Variants in SLC5A4 observed in about 807,000 individuals in gnomAD.
The protein encoded by SLC5A4 is probable glucose sensor protein SLC5A4.
In SLC5A4, 55 loss-of-function variants were observed where a neutral mutation model predicts 70.3. The observed-to-expected ratio is 0.78, with a 90% CI of 0.63 to 0.98. The LOEUF is 0.98. Ranked by LOEUF, SLC5A4 falls within the 50% of genes least tolerant of loss-of-function variation. The pLI is 0.00. For synonymous variants in SLC5A4, 268 were observed against 305.7 expected (o/e 0.88, Z 1.29); for missense variants, 735 against 839.2 (o/e 0.88, Z 1.53).
At chr22:32,251,714 A>G in intron 3 of SLC5A4, 56 bp downstream of exon 3, 4 of 1,022,184 alleles carry the variant, frequency 3.9e-6, no homozygotes, top group Non-Finnish European at 6.2e-6. Context: ...CATAAAACAT[A>G]CTAAGACACT....
At position 32,234,938 on chromosome 22, in the gene SLC5A4, T is replaced by C; in HGVS notation, c.820A>G (p.Ile274Val). The change falls in exon 8 of 15, where the codon ATT (isoleucine) becomes GTT (valine). Residue 274 changes from isoleucine to valine, a missense_variant. By Grantham distance (29) the Ile-to-Val change is conservative. Transcript: ENST00000266086. ...HIFRDAVTGDIPWPGIIFGMP... is the reference protein window; with the variant it reads ...HIFRDAVTGDVPWPGIIFGMP... ...CCAAATATAATTCCTGGCCATGGAA[T>C]GTCCCCAGTCACAGCATCTCGGAAG... The C allele has an allele frequency of 1.2e-6, 2 of 1,613,210 alleles. No individual in the cohort carries two copies. The highest frequency in any genetic ancestry group is 1.7e-6 in the Non-Finnish European group (2 of 1,180,024).
intron 5 of SLC5A4, among the ~76,000 whole-genome samples, chr22:32,245,320 C>G (rs555034686): frequency 5.4e-4 from 83 of 152,298 alleles, no homozygotes; most frequent in African/African-American, 1.9e-3. Flanking sequence ...GTCTTTCCAG[C>G]CAGCCACAGA....
the SLC5A4 span, among the ~76,000 whole-genome samples, chr22:32,317,198 A>C: frequency 6.6e-6 from 1 of 152,194 alleles, no homozygotes; most frequent in Non-Finnish European, 1.5e-5. Context: ...CAAAAAATAA[A>C]AACTGCAGAA....
chr22:32,235,993 G>A (rs1361374800), intron 7 of SLC5A4, among the ~76,000 whole-genome samples: 2 of 152,078 alleles, frequency 1.3e-5, no homozygotes, highest in Non-Finnish European at 2.9e-5. Context: ...ATACATAGGA[G>A]ACCCTAAGAG....
chr22:32,238,959 G>A, intron 6 of SLC5A4, 26 bp downstream of exon 6: 1 of 1,546,214 alleles, frequency 6.5e-7, no homozygotes, highest in Admixed American at 1.7e-5. Flanking sequence ...GATAGCCTGA[G>A]TGAGCAAAAT....
the SLC5A4 span, among the ~76,000 whole-genome samples, chr22:32,267,343 G>T: frequency 6.6e-6 from 1 of 152,224 alleles, no homozygotes; most frequent in Admixed American, 6.5e-5. Flanking sequence ...CTTGTAAGTG[G>T]AGCTCACTCC....
chr22:32,309,286 G>T, the SLC5A4 span, among the ~76,000 whole-genome samples: 1 of 152,208 alleles, frequency 6.6e-6, no homozygotes, highest in Non-Finnish European at 1.5e-5. Context: ...ACAGTTCCCA[G>T]TGAGAAACAG....
chr22:32,226,663 C>T (rs1385004198), intron 11 of SLC5A4, among the ~76,000 whole-genome samples: 1 of 152,180 alleles, frequency 6.6e-6, no homozygotes, highest in African/African-American at 2.4e-5. Context: ...CAATAAATTA[C>T]ACTTACTGTT....
At chr22:32,308,212 G>A in the SLC5A4 span, among the ~76,000 whole-genome samples, 1 of 150,662 alleles carries the variant, frequency 6.6e-6, no homozygotes, top group African/African-American at 2.4e-5. Context: ...ATTCACTTCT[G>A]AAGGCTCTTC....
chr22:32,279,047 C>A, the SLC5A4 span, among the ~76,000 whole-genome samples: 23 of 151,510 alleles, frequency 1.5e-4, no homozygotes, highest in African/African-American at 4.6e-4. Flanking sequence ...GAGGCCGAGG[C>A]GAACGGATCA....
rs755002926 is a variant in SLC5A4 at position 32,255,259 on chromosome 22, C to T, written c.71G>A (p.Arg24Gln). The T allele has an allele frequency of 2.1e-5, 34 of 1,614,086 alleles. No individual in the cohort carries two copies. The Admixed American group carries it at 3.5e-4, about 17-fold the overall frequency. The change falls in exon 1 of 15, where the codon CGA becomes CAA. Residue 24 changes from arginine to glutamine, a missense_variant. By Grantham distance (43) the Arg-to-Gln change is conservative. Coordinates refer to ENST00000266086, the MANE Select transcript of SLC5A4 (RefSeq NM_014227.3). ...PEPPPLSDHIRNAADISVIVI... is the reference protein window; with the variant it reads ...PEPPPLSDHIQNAADISVIVI... Reference sequence around the variant, plus strand: ...AATGACTGAGATGTCAGCAGCATTTCGGATGTGGTCAGACAATGGAGGTGG... The same window carrying T: ...AATGACTGAGATGTCAGCAGCATTTTGGATGTGGTCAGACAATGGAGGTGG...
the SLC5A4 span, among the ~76,000 whole-genome samples, chr22:32,293,087 A>G: frequency 6.6e-6 from 1 of 152,096 alleles, no homozygotes; most frequent in African/African-American, 2.4e-5. Flanking sequence ...CAGATACACC[A>G]GTTTTTCTGT....
At chr22:32,336,169 A>C in the SLC5A4 span, among the ~76,000 whole-genome samples, 1 of 152,176 alleles carries the variant, frequency 6.6e-6, no homozygotes, top group Non-Finnish European at 1.5e-5. Flanking sequence ...GTTTTTGGGA[A>C]CATTACTGCC....
chr22:32,316,703 T>C, the SLC5A4 span, among the ~76,000 whole-genome samples: 1 of 151,988 alleles, frequency 6.6e-6, no homozygotes, highest in Non-Finnish European at 1.5e-5. Context: ...CTAATTTTTT[T>C]TTTTTTGACT....
the SLC5A4 span, chr22:32,271,230 C>T: frequency 2.5e-6 from 2 of 791,266 alleles, no homozygotes; most frequent in South Asian, 2.9e-5. Context: ...TGGTGAAGAA[C>T]TTCCCTGTGG....
the SLC5A4 span, chr22:32,271,383 C>T: frequency 1.3e-6 from 1 of 756,984 alleles, no homozygotes; most frequent in South Asian, 1.4e-5. Flanking sequence ...CCAGAGCACA[C>T]CTTACCTGCT....
At chr22:32,229,438 C>T (rs1336258505) in intron 10 of SLC5A4, 94 bp from the exon 11 acceptor site, 1 of 1,302,594 alleles carries the variant, frequency 7.7e-7, no homozygotes. Context: ...TCATCTGGAA[C>T]ATAGGTTAAC....
chr22:32,249,257 A>T, intron 3 of SLC5A4, among the ~76,000 whole-genome samples: 1 of 152,208 alleles, frequency 6.6e-6, no homozygotes, highest in East Asian at 1.9e-4. Context: ...CACATAGATC[A>T]CTTACGCTGC....
the SLC5A4 span, chr22:32,277,099 C>T: frequency 2.0e-5 from 3 of 152,130 alleles, no homozygotes; most frequent in Admixed American, 2.0e-4. Context: ...TTGTCCTTCT[C>T]TTTCTCTCCT....
Sources: gnomAD v4.1 joint callset for allele counts (sites outside exome capture counted in the v4.1 genomes callset) on GRCh38, gnomAD v4.1.1 for gene constraint, MANE v1.5 for transcripts, NCBI Gene and HGNC (gene_info 2026-07-23, HGNC 2026-07-21) for gene names.